The following PCDHGA12 variants were observed in gnomAD, a reference collection of about 807,000 sequenced individuals.
PCDHGA12 encodes protocadherin gamma-A12.
PCDHGA12 carries 43 observed loss-of-function variants against 61.1 expected under a neutral mutation model. That is an observed-to-expected ratio of 0.70 (90% CI 0.55 to 0.91). The LOEUF (loss-of-function observed/expected upper bound fraction) is 0.91, where lower values mean the gene tolerates loss of function less well. Ranked by LOEUF, PCDHGA12 falls within the 40% of genes least tolerant of loss-of-function variation. PCDHGA12 has a pLI of 0.00. For missense variants in PCDHGA12, 1,236 were observed against 1,227.7 expected (o/e 1.01, Z -0.10); for synonymous variants, 520 against 542.9 (o/e 0.96, Z 0.59).
Position 141,512,594 on chromosome 5 carries a change from G to C in PCDHGA12, c.*1421G>C, listed in dbSNP as rs981124898. On this transcript the variant is annotated 3_prime_UTR_variant, in exon 4 of 4. Transcript: ENST00000252085. ...CACCCCCTTCTGCCCCTGGGTCCCC[G>C]GCCATCCAGCGGGGCTGCCAGAGAA... 1 of 152,812 alleles carries C rather than the reference G, an allele frequency of 6.5e-6. No homozygotes were observed. The highest frequency in any genetic ancestry group is 6.5e-5 in the Admixed American group (1 of 15,280). The allele number at this position is 152,812 out of a possible 1,614,324, so 9.5% of individuals were successfully genotyped here. A position where few individuals can be genotyped will look rare whatever the true frequency, so the allele number is the denominator to read the frequency against.
At chr5:141,510,844 C>A in intron 3 of PCDHGA12, 103 bp from the exon 4 acceptor site, 1 of 1,592,684 alleles carries the variant, frequency 6.3e-7, no homozygotes, top group South Asian at 1.1e-5. Context: ...GTGGTCAAGG[C>A]CCAGGGTGCT....
In PCDHGA12 at chr5:141,477,247, T is replaced by C; in HGVS notation, c.2425-17560T>C. On this transcript the variant is annotated intron_variant, in intron 1 of 3. Transcript: ENST00000252085. This position sits in a 1 kb window ranked among gnomAD's most constrained non-coding sequence, Gnocchi z 4.9. ...CTGTCATCGCTTTGCTCAGTGTGAC[T>C]GACCTGGATGCTGGCGAGAACGGGC... The C allele has an allele frequency of 6.2e-7, 1 of 1,614,208 alleles. No individual in the cohort carries two copies. Among genetic ancestry groups the C allele is most frequent in the Non-Finnish European group, 8.5e-7 (1 of 1,180,040 alleles).
rs769009864 is a variant in PCDHGA12, at chr5:141,430,853, C to G, written c.94C>G (p.Arg32Gly). The G allele has an allele frequency of 1.3e-6, 2 of 1,587,214 alleles. No homozygotes were observed. The highest frequency in any genetic ancestry group is 1.7e-6 in the Non-Finnish European group (2 of 1,168,534). The part of the protein sequence containing the change: ...TLWETGCTQI[R>G]YSVPEELEKG... ...GTGGGAGACCGGATGCACCCAGATA[C>G]GCTATTCAGTTCCGGAAGAGCTGGA... Residue 32 changes from arginine to glycine, a missense_variant, in exon 1 of 4, where the codon CGC (arginine) becomes GGC (glycine). By Grantham distance (125) the Arg-to-Gly change is moderately radical (BLOSUM62 -2). Coordinates refer to ENST00000252085, the MANE Select transcript of PCDHGA12 (RefSeq NM_003735.3).
intron 3 of PCDHGA12, among the ~76,000 whole-genome samples, chr5:141,509,791 C>T (rs2099878284): frequency 6.6e-6 from 1 of 152,164 alleles, no homozygotes; most frequent in Non-Finnish European, 1.5e-5. Flanking sequence ...TCATCATCTC[C>T]TCAGCTTCAT....
At chr5:141,463,682 G>A (rs62379195) in intron 1 of PCDHGA12, among the ~76,000 whole-genome samples, 7,165 of 151,926 alleles carry the variant, frequency 0.047, 241 homozygotes, top group Middle Eastern at 0.095. Context: ...GGATGACCTC[G>A]TGATCTGCTC....
intron 1 of PCDHGA12, among the ~76,000 whole-genome samples, chr5:141,460,110 A>G (rs966038979): frequency 2.0e-5 from 3 of 151,894 alleles, no homozygotes; most frequent in African/African-American, 7.2e-5. Context: ...ATTATATATG[A>G]TTTTTATATA....
intron 1 of PCDHGA12, among the ~76,000 whole-genome samples, chr5:141,434,129 G>T (rs1242855904): frequency 6.6e-6 from 1 of 152,092 alleles, no homozygotes; most frequent in East Asian, 1.9e-4. Flanking sequence ...CTCCCTTTAG[G>T]CTGATTTCTA....
In PCDHGA12 at chr5:141,491,841, A is replaced by T. The variant is rs995010359; in HGVS notation, c.2425-2966A>T. The T allele has an allele frequency of 1.4e-6, 2 of 1,465,172 alleles. No homozygotes were observed. The highest frequency in any genetic ancestry group is 1.4e-5 in the African/African-American group (1 of 69,948). 90.8% of individuals were successfully genotyped at this position (1,465,172 alleles called of 1,614,324 possible). ...TGCGCTCCACCCGATTCTCGGGATC[A>T]TTGGACCGTTTGCGCGAAACCAGAG... is the stretch of plus-strand genomic sequence containing the variant. On this transcript the variant is annotated intron_variant, in intron 1 of 3. Transcript: ENST00000252085. The surrounding 1 kb of genome is among the most constrained non-coding windows in gnomAD (Gnocchi z 6.9).
chr5:141,491,850 T>C lies in PCDHGA12; in HGVS notation c.2425-2957T>C. ...CCCGATTCTCGGGATCATTGGACCG[T>C]TTGCGCGAAACCAGAGTGGCCGATT... On this transcript the variant is annotated intron_variant, in intron 1 of 3. Transcript: ENST00000252085. The surrounding 1 kb of genome is among the most constrained non-coding windows in gnomAD (Gnocchi z 6.9). 6.8e-7 allele frequency: 1 copy of C among 1,460,996 alleles called. No homozygotes were observed. The highest frequency in any genetic ancestry group is 2.5e-5 in the East Asian group (1 of 40,084). The allele number at this position is 1,460,996 out of a possible 1,614,324, so 90.5% of individuals were successfully genotyped here.
At chr5:141,450,729 C>T (rs370122389) in intron 1 of PCDHGA12, among the ~76,000 whole-genome samples, 3 of 152,048 alleles carry the variant, frequency 2.0e-5, no homozygotes, top group Non-Finnish European at 2.9e-5. Context: ...TCAGGTGATC[C>T]GCCCGCCTTG....
rs759756007 is a variant in PCDHGA12 at position 141,476,248 on chromosome 5, T to C, written c.2425-18559T>C. 2 of 1,613,856 alleles carry C rather than the reference T, an allele frequency of 1.2e-6. No individual in the cohort carries two copies. Among genetic ancestry groups the C allele is most frequent in the South Asian group, 2.2e-5 (2 of 91,050 alleles). On this transcript the variant is annotated intron_variant, in intron 1 of 3. Transcript: ENST00000252085. The surrounding 1 kb of genome is among the most constrained non-coding windows in gnomAD (Gnocchi z 7.6). The stretch of plus-strand genomic sequence containing the variant: ...AGATCCCGGAGGAAAGAGAGAAGGG[T>C]TTCGCTGTGGGCAACGTGGTCGCGA...
chr5:141,462,811 T>C (rs893444929), intron 1 of PCDHGA12, among the ~76,000 whole-genome samples: 1 of 152,206 alleles, frequency 6.6e-6, no homozygotes, highest in Non-Finnish European at 1.5e-5. Context: ...ATAATGTTTT[T>C]ATTGGACAGC....
rs370237298 is a variant in PCDHGA12 at position 141,487,298 on chromosome 5, G to A, written c.2425-7509G>A. ...TTGCTTTGTCTCCTTTGGCTCATTCGTGGCACTACTCTCTAAGTGTCTTCG... is the reference window on the plus strand; with the variant it reads ...TTGCTTTGTCTCCTTTGGCTCATTCATGGCACTACTCTCTAAGTGTCTTCG... On this transcript the variant is annotated intron_variant, in intron 1 of 3. Coordinates refer to ENST00000252085, the MANE Select transcript of PCDHGA12 (RefSeq NM_003735.3). The surrounding 1 kb of genome is among the most constrained non-coding windows in gnomAD (Gnocchi z 5.0). The A allele has an allele frequency of 3.2e-5, 51 of 1,614,072 alleles. 1 individual carries two copies. Among genetic ancestry groups the A allele is most frequent in the South Asian group, 5.5e-5 (5 of 91,082 alleles).
intron 3 of PCDHGA12, among the ~76,000 whole-genome samples, chr5:141,509,066 C>A (rs1215686419): frequency 6.6e-6 from 1 of 152,172 alleles, no homozygotes; most frequent in Non-Finnish European, 1.5e-5. Context: ...GCTCTCAGCT[C>A]CGGGGATTTG....
rs1300601208 is a variant in PCDHGA12 at position 141,499,206 on chromosome 5, AC to A, written c.2483+4344del. On this transcript the variant is annotated intron_variant, in intron 2 of 3. Transcript: ENST00000252085. ...ACCATTTCCCCCTTCTTAGGCTGTA[AC>A]CCAGGCCCTGCCCTGCAGCTGTCCC... Among the ~76,000 whole-genome samples the A allele has an allele frequency of 3.3e-5, 5 of 152,062 alleles. No homozygotes were observed. In the East Asian group the frequency reaches 7.7e-4, roughly 24 times the overall value.
chr5:141,487,403 C>T lies in PCDHGA12; in HGVS notation c.2425-7404C>T. 1 of 1,614,140 alleles carries T rather than the reference C, an allele frequency of 6.2e-7. No homozygotes were observed. Among genetic ancestry groups the T allele is most frequent in the South Asian group, 1.1e-5 (1 of 91,082 alleles). ...CAGATCTCGAAGGAGGGAGGGGCTTCCCCCTTCCAATGGGATCCTCCGAAT... is the reference window on the plus strand; with the variant it reads ...CAGATCTCGAAGGAGGGAGGGGCTTTCCCCTTCCAATGGGATCCTCCGAAT... On this transcript the variant is annotated intron_variant, in intron 1 of 3. Coordinates refer to ENST00000252085, the MANE Select transcript of PCDHGA12 (RefSeq NM_003735.3). The surrounding 1 kb of genome is among the most constrained non-coding windows in gnomAD (Gnocchi z 5.0).
intron 2 of PCDHGA12, among the ~76,000 whole-genome samples, chr5:141,502,002 C>T (rs1434269040): frequency 1.3e-5 from 2 of 152,164 alleles, no homozygotes; most frequent in South Asian, 2.1e-4. Context: ...CCTGACAACC[C>T]GCATGCTCTC....
At chr5:141,461,826 T>G (rs1466528519) in intron 1 of PCDHGA12, among the ~76,000 whole-genome samples, 2 of 151,912 alleles carry the variant, frequency 1.3e-5, no homozygotes, top group Non-Finnish European at 1.5e-5. Flanking sequence ...GCTAATTTTT[T>G]TTTCTTTTTT....
At chr5:141,472,172 T>A (rs548514406) in intron 1 of PCDHGA12, among the ~76,000 whole-genome samples, 11 of 152,326 alleles carry the variant, frequency 7.2e-5, no homozygotes, top group African/African-American at 2.6e-4. Context: ...AGGTGTAATA[T>A]CCAGTATTGG....
Sources: allele counts gnomAD v4.1 joint callset (sites outside exome capture counted in the v4.1 genomes callset), GRCh38; gene constraint gnomAD v4.1.1; non-coding constraint Gnocchi (gnomAD v3.1); transcripts MANE v1.5; gene names NCBI Gene and HGNC (gene_info 2026-07-23, HGNC 2026-07-21).